The following ABLIM2 variants were observed in gnomAD, a reference collection of about 807,000 sequenced individuals.
The protein encoded by ABLIM2 is actin-binding LIM protein 2.
In ABLIM2, 53 loss-of-function variants were observed where a neutral mutation model predicts 97.7. The observed-to-expected ratio is 0.54, with a 90% CI of 0.44 to 0.68. The LOEUF (loss-of-function observed/expected upper bound fraction) is 0.68, where lower values mean the gene tolerates loss of function less well. Ranked by LOEUF, ABLIM2 falls within the 30% of genes least tolerant of loss-of-function variation. ABLIM2 has a pLI of 0.00. For missense variants in ABLIM2, 835 were observed against 867.2 expected (o/e 0.96, Z 0.47); for synonymous variants, 361 against 345.8 (o/e 1.04, Z -0.49).
Position 8,046,196 on chromosome 4 carries a change from T to C in ABLIM2, c.823-955A>G, listed in dbSNP as rs183475998. 1.5e-3 allele frequency among the ~76,000 whole-genome samples: 233 copies of C among 152,238 alleles called. No homozygotes were observed. Among genetic ancestry groups the C allele is most frequent in the African/African-American group, 5.3e-3 (222 of 41,526 alleles). On this transcript the variant is annotated intron_variant, in intron 8 of 20. Transcript: ENST00000447017. This position sits in a 1 kb window ranked among gnomAD's most constrained non-coding sequence, Gnocchi z 4.4. ...TCCGGACCACACCCGCTGTGTCCCC[T>C]GGGCTGATGGTTTTTGTGACTGTCC...
intron 17 of ABLIM2, among the ~76,000 whole-genome samples, chr4:7,987,821 G>A (rs750000198): frequency 6.6e-6 from 1 of 152,104 alleles, no homozygotes; most frequent in Non-Finnish European, 1.5e-5. Flanking sequence ...AAGTGGGGAT[G>A]GGGTGTGCAA....
At chr4:7,968,054 G>C (rs372729825) in intron 20 of ABLIM2, among the ~76,000 whole-genome samples, 3 of 152,230 alleles carry the variant, frequency 2.0e-5, no homozygotes, top group Non-Finnish European at 4.4e-5. Context: ...TGGCTCAGGC[G>C]TCCCCTCCCC....
rs967449123 is a variant in ABLIM2 at position 8,072,121 on chromosome 4, A to T, written c.675+5507T>A. The T allele has an allele frequency of 7.3e-6, 7 of 957,702 alleles. No individual in the cohort carries two copies. In the African/African-American group the frequency reaches 1.2e-4, roughly 17 times the overall value. The allele number at this position is 957,702 out of a possible 1,614,324, so 59.3% of individuals were successfully genotyped here. A position where few individuals can be genotyped will look rare whatever the true frequency, so the allele number is the denominator to read the frequency against. ...CGGCAGAGGCGAAAACAAAAGCATTAATCTTCCCCAGGAGGCCCTTTCTCC... is the reference window on the plus strand; with the variant it reads ...CGGCAGAGGCGAAAACAAAAGCATTTATCTTCCCCAGGAGGCCCTTTCTCC... On this transcript the variant is annotated intron_variant, in intron 6 of 20. Transcript: ENST00000447017. This position sits in a 1 kb window ranked among gnomAD's most constrained non-coding sequence, Gnocchi z 5.8.
chr4:8,044,051 T>G lies in ABLIM2; in HGVS notation c.900+1113A>C, dbSNP rs1790520133. ...AACTGAGGACTCGTGCACCCCTCAG[T>G]GGCACTGTCAGGATTAAGGTCAGGA... On this transcript the variant is annotated intron_variant, in intron 9 of 20. Transcript: ENST00000447017. The surrounding 1 kb of genome is among the most constrained non-coding windows in gnomAD (Gnocchi z 4.4). Among the ~76,000 whole-genome samples the G allele has an allele frequency of 6.6e-6, 1 of 152,166 alleles. No homozygotes were observed.
At chr4:7,973,075 C>CTGGGTGTGTGTGTGTGTGTGTGTGTGTG (rs1729445567) in intron 20 of ABLIM2, among the ~76,000 whole-genome samples, 1 of 123,978 alleles carries the variant, frequency 8.1e-6, no homozygotes, top group African/African-American at 3.1e-5. Flanking sequence ...GCTCCCCTTG[C>CTGGGTGTGTGTGTGTGTGTGTGTGTGTG]TGTGTGTGTG....
At chr4:8,051,775 C>A (rs1320856609) in intron 8 of ABLIM2, among the ~76,000 whole-genome samples, 1 of 152,126 alleles carries the variant, frequency 6.6e-6, no homozygotes, top group African/African-American at 2.4e-5. Context: ...GGCACCATGG[C>A]CACCCCCACA....
At position 8,068,769 on chromosome 4, in the gene ABLIM2, C is replaced by A. The variant is rs1809764735; in HGVS notation, c.676-7715G>T. ...TGCACCTCCCTGCAGCAGGCAGCTC[C>A]CAGCAGCTGCTCCTCACAGTCATCG... On this transcript the variant is annotated intron_variant, in intron 6 of 20. Coordinates refer to ENST00000447017, the MANE Select transcript of ABLIM2 (RefSeq NM_001130083.2). The surrounding 1 kb of genome is among the most constrained non-coding windows in gnomAD (Gnocchi z 4.5). Among the ~76,000 whole-genome samples the A allele has an allele frequency of 6.6e-6, 1 of 152,260 alleles. No individual in the cohort carries two copies.
intron 2 of ABLIM2, among the ~76,000 whole-genome samples, chr4:8,104,443 T>A (rs1836189636): frequency 6.6e-6 from 1 of 152,156 alleles, no homozygotes; most frequent in Admixed American, 6.5e-5. Context: ...ATGGGGAGAA[T>A]TCACTGAGGG....
intron 16 of ABLIM2, among the ~76,000 whole-genome samples, chr4:8,000,977 CG>C (rs1170772602): frequency 2.0e-5 from 3 of 152,190 alleles, no homozygotes; most frequent in Non-Finnish European, 4.4e-5. Context: ...ACACAGCGTC[CG>C]GGTCTGCTTT....
rs1251074880 is a variant in ABLIM2, at chr4:8,033,443, G to T, written c.1047+2706C>A. 6.6e-6 allele frequency among the ~76,000 whole-genome samples: 1 copy of T among 152,200 alleles called. No homozygotes were observed. Among genetic ancestry groups the T allele is most frequent in the South Asian group, 2.1e-4 (1 of 4,830 alleles). ...GCTGAAGGCCATGGGTGGAATGATG[G>T]AATCAAGGGAGAAACCCTCAGGCTG... is the stretch of plus-strand genomic sequence containing the variant. On this transcript the variant is annotated intron_variant, in intron 10 of 20. Transcript: ENST00000447017. This position sits in a 1 kb window ranked among gnomAD's most constrained non-coding sequence, Gnocchi z 4.5.
rs28535319 is a variant in ABLIM2 at position 8,068,542 on chromosome 4, T to C, written c.676-7488A>G. Among the ~76,000 whole-genome samples, 4,576 of 152,270 alleles carry C rather than the reference T, an allele frequency of 0.03. 222 individuals carry two copies. Among genetic ancestry groups the C allele is most frequent in the African/African-American group, 0.1 (4,261 of 41,544 alleles). On this transcript the variant is annotated intron_variant, in intron 6 of 20. Coordinates refer to ENST00000447017, the MANE Select transcript of ABLIM2 (RefSeq NM_001130083.2). The surrounding 1 kb of genome is among the most constrained non-coding windows in gnomAD (Gnocchi z 4.5). Reference sequence around the variant, plus strand: ...GAGGAGAGCTAGTGGTCCCCCGTCTTTGGGCTTCTGGAGAATGGATCAGCC... The same window carrying C: ...GAGGAGAGCTAGTGGTCCCCCGTCTCTGGGCTTCTGGAGAATGGATCAGCC...
intron 8 of ABLIM2, among the ~76,000 whole-genome samples, chr4:8,051,761 C>T (rs767512038): frequency 6.6e-6 from 1 of 152,144 alleles, no homozygotes; most frequent in Non-Finnish European, 1.5e-5. Context: ...CCCCACATGT[C>T]CCTGGCACCA....
At chr4:8,115,009 T>G (rs1842197939) in intron 1 of ABLIM2, among the ~76,000 whole-genome samples, 1 of 152,158 alleles carries the variant, frequency 6.6e-6, no homozygotes, top group African/African-American at 2.4e-5. Flanking sequence ...AGGAGTGCAG[T>G]CTGGCTTCTC....
intron 1 of ABLIM2, among the ~76,000 whole-genome samples, chr4:8,144,216 G>A (rs149410319): frequency 1.1e-4 from 16 of 152,292 alleles, no homozygotes; most frequent in African/African-American, 3.4e-4. Flanking sequence ...CCTGGTGCTC[G>A]GCCAGAAATT....
intron 16 of ABLIM2, among the ~76,000 whole-genome samples, chr4:7,995,724 C>A (rs1467548157): frequency 6.6e-6 from 1 of 152,168 alleles, no homozygotes. Flanking sequence ...GAGGAACTCC[C>A]TCGACGCATG....
At chr4:8,151,054 A>T (rs1712534808) in intron 1 of ABLIM2, among the ~76,000 whole-genome samples, 1 of 152,190 alleles carries the variant, frequency 6.6e-6, no homozygotes, top group Non-Finnish European at 1.5e-5. Flanking sequence ...CCTCAAAAGC[A>T]GCTGTCATCA....
chr4:7,977,790 C>CAATAAATAAATA (rs10660218), intron 20 of ABLIM2, among the ~76,000 whole-genome samples: 8,529 of 142,090 alleles, frequency 0.06, 300 homozygotes, highest in Middle Eastern at 0.068. Context: ...GACTCTGTCT[C>CAATAAATAAATA]AATAAATAAA....
In ABLIM2 at chr4:8,127,075, A is replaced by G. The variant is rs1044957581; in HGVS notation, c.11-20438T>C. Among the ~76,000 whole-genome samples the G allele has an allele frequency of 2.0e-5, 3 of 151,864 alleles. No homozygotes were observed. The highest frequency in any genetic ancestry group is 1.9e-4 in the East Asian group (1 of 5,162). ...AGTGAGTCCCTGCCTCCAGAAAAAA[A>G]AAAAAAAAATGCCTGCAGACATTGC... On this transcript the variant is annotated intron_variant, in intron 1 of 20. Coordinates refer to ENST00000447017, the MANE Select transcript of ABLIM2 (RefSeq NM_001130083.2). The surrounding 1 kb of genome is among the most constrained non-coding windows in gnomAD (Gnocchi z 7.3).
chr4:7,978,667 C>G (rs1735580373), intron 20 of ABLIM2, among the ~76,000 whole-genome samples: 1 of 152,158 alleles, frequency 6.6e-6, no homozygotes, highest in Non-Finnish European at 1.5e-5. Flanking sequence ...CCAGCAGGAA[C>G]CCTCCCAGCA....
Sources: allele counts gnomAD v4.1 joint callset (sites outside exome capture counted in the v4.1 genomes callset), GRCh38; gene constraint gnomAD v4.1.1; non-coding constraint Gnocchi (gnomAD v3.1); transcripts MANE v1.5; gene names NCBI Gene and HGNC (gene_info 2026-07-23, HGNC 2026-07-21).